The following LIPA variants were observed in gnomAD, a reference collection of about 807,000 sequenced individuals.
The protein encoded by LIPA is lysosomal acid lipase/cholesteryl ester hydrolase.
Under a neutral mutation model 40.6 loss-of-function variants are expected in LIPA, and 26 were observed. The observed-to-expected ratio is 0.64, with a 90% confidence interval of 0.47 to 0.89. The LOEUF is 0.89. Among genes scored for constraint, LIPA ranks in the 40% least tolerant of loss-of-function variants. The pLI is 0.00. For missense variants in LIPA, 455 were observed against 479.6 expected (o/e 0.95, Z 0.48); for synonymous variants, 188 against 168.4 (o/e 1.12, Z -0.90).
intron 4 of LIPA, 45 bp downstream of exon 4, chr10:89,228,155 G>T: frequency 2.0e-6 from 3 of 1,526,930 alleles, no homozygotes; most frequent in Non-Finnish European, 2.7e-6. Context: ...TCTGCTTTAA[G>T]AGTACTAAGG....
chr10:89,267,512 A>G (rs1310515045), intron 1 of LIPA, among the ~76,000 whole-genome samples: 1 of 138,922 alleles, frequency 7.2e-6, no homozygotes, highest in Admixed American at 8.2e-5. Context: ...TCTCACTCAT[A>G]GGTGGGAATT....
Position 89,226,977 on chromosome 10 carries a change from T to C in LIPA, c.456A>G (p.Leu152=), listed in dbSNP as rs1842777970. The C allele has an allele frequency of 6.2e-7, 1 of 1,612,858 alleles. No individual in the cohort carries two copies. The highest frequency in any genetic ancestry group is 8.5e-7 in the Non-Finnish European group (1 of 1,178,942). ...FSYDEMAKYD[L]PASINFILNK... ...TCAGAATGAAGTTAATGGAAGCTGGTAGGTCATATTTTGCCATCTCATCAT... is the reference window on the plus strand; with the variant it reads ...TCAGAATGAAGTTAATGGAAGCTGGCAGGTCATATTTTGCCATCTCATCAT... Residue 152 remains leucine, a synonymous_variant, in exon 5 of 10, where the codon CTA becomes CTG. Coordinates refer to ENST00000336233, the MANE Select transcript of LIPA (RefSeq NM_000235.4).
chr10:89,364,804 C>T (rs1054913133), intron 2 of LIPA, among the ~76,000 whole-genome samples: 4 of 152,170 alleles, frequency 2.6e-5, no homozygotes, highest in African/African-American at 9.6e-5. Context: ...ACTCTTTGCT[C>T]TTTCTCTGTA....
rs1844277352 is a variant in LIPA, at chr10:89,392,845, T to C, written c.61+19946A>G. ...TAATTCCTCGATTTGAGTATCTGCT[T>C]ATGGACTGAATGTGTGCATGCATGT... On this transcript the variant is annotated intron_variant, in intron 2 of 8. Coordinates refer to the LIPA transcript ENST00000371837. The C allele has an allele frequency of 6.5e-6, 6 of 926,430 alleles. No individual in the cohort carries two copies. In the South Asian group the frequency reaches 8.5e-5, roughly 13 times the overall value. 57.4% of individuals were successfully genotyped at this position (926,430 alleles called of 1,614,324 possible).
intron 1 of LIPA, among the ~76,000 whole-genome samples, chr10:89,250,864 A>C (rs942495218): frequency 7.9e-5 from 12 of 152,166 alleles, no homozygotes; most frequent in Non-Finnish European, 1.5e-4. Context: ...GGGAAAAAAA[A>C]CCTTCCAGGC....
At chr10:89,223,428 C>G (rs1842725925) in intron 7 of LIPA, among the ~76,000 whole-genome samples, 1 of 152,138 alleles carries the variant, frequency 6.6e-6, no homozygotes, top group South Asian at 2.1e-4. Context: ...AATATTACAG[C>G]TTAATTTGTG....
chr10:89,344,975 T>C (rs181619302), upstream of LIPA, among the ~76,000 whole-genome samples: 1 of 152,212 alleles, frequency 6.6e-6, no homozygotes, highest in African/African-American at 2.4e-5. Flanking sequence ...GAGACCAGCC[T>C]GGCCAACATG....
chr10:89,311,892 T>C (rs78997559), intron 1 of LIPA, among the ~76,000 whole-genome samples: 1,579 of 152,308 alleles, frequency 0.01, 32 homozygotes, highest in African/African-American at 0.036. Context: ...CACTGGCGTA[T>C]AGATCACAGA....
At chr10:89,369,288 G>A (rs1230815421) in intron 2 of LIPA, among the ~76,000 whole-genome samples, 1 of 152,088 alleles carries the variant, frequency 6.6e-6, no homozygotes, top group African/African-American at 2.4e-5. Flanking sequence ...CTAGTGCTTG[G>A]TAAATGAGAC....
intron 2 of LIPA, chr10:89,384,481 C>T: frequency 1.2e-6 from 2 of 1,614,124 alleles, no homozygotes; most frequent in Non-Finnish European, 1.7e-6. Flanking sequence ...TTTCCAAGAA[C>T]ATCATGGGAA....
chr10:89,393,139 A>G, intron 2 of LIPA: 1 of 1,292,340 alleles, frequency 7.7e-7, no homozygotes, highest in South Asian at 1.2e-5. Context: ...CAGGACCCAC[A>G]AGAATGTGAA....
intron 1 of LIPA, among the ~76,000 whole-genome samples, chr10:89,304,860 G>A (rs1653960345): frequency 6.6e-6 from 1 of 151,914 alleles, no homozygotes; most frequent in African/African-American, 2.4e-5. Context: ...TTCCAGGAGA[G>A]TCATAAGGGT....
chr10:89,383,267 A>G, intron 2 of LIPA: 1 of 1,483,138 alleles, frequency 6.7e-7, no homozygotes, highest in Non-Finnish European at 9.2e-7. Context: ...CTTCATTTTC[A>G]GTGGACTGAA....
chr10:89,324,951 G>A (rs189612633), intron 1 of LIPA, among the ~76,000 whole-genome samples: 2 of 152,026 alleles, frequency 1.3e-5, no homozygotes, highest in Non-Finnish European at 1.5e-5. Context: ...CTTTGCTATT[G>A]CAAATAGTGC....
At chr10:89,406,460 C>T (rs1844533377) in intron 2 of LIPA, 2 of 152,382 alleles carry the variant, frequency 1.3e-5, no homozygotes, top group Non-Finnish European at 2.9e-5. Flanking sequence ...TGTTCTTTCG[C>T]TCTTTCAATA....
chr10:89,237,889 A>T (rs1842924797), intron 3 of LIPA, among the ~76,000 whole-genome samples: 1 of 152,224 alleles, frequency 6.6e-6, no homozygotes, highest in South Asian at 2.1e-4. Flanking sequence ...TCTCTAAATC[A>T]GGAGGTCATA....
intron 1 of LIPA, among the ~76,000 whole-genome samples, chr10:89,295,947 G>A (rs1211736461): frequency 6.6e-6 from 1 of 152,204 alleles, no homozygotes. Flanking sequence ...ACAGGCACTA[G>A]CCATACAAAT....
At chr10:89,224,992 G>A in intron 6 of LIPA, 100 bp downstream of exon 6, 1 of 1,394,456 alleles carries the variant, frequency 7.2e-7, no homozygotes, top group Middle Eastern at 2.5e-4. Context: ...ATATCAAAAC[G>A]CAGGGGAGGA....
chr10:89,377,071 G>A lies in LIPA; in HGVS notation c.61+35720C>T, dbSNP rs74146918. 9.1e-3 allele frequency among the ~76,000 whole-genome samples: 1,381 copies of A among 152,302 alleles called. 21 individuals are homozygous for A. The highest frequency in any genetic ancestry group is 0.032 in the African/African-American group (1,326 of 41,556). On this transcript the variant is annotated intron_variant, in intron 2 of 8. Coordinates refer to the LIPA transcript ENST00000371837. ...ACCAAGATCCAGAAACGTACAGGAT[G>A]ACATTGTAACAATTCACAAGAGGAA... is the stretch of plus-strand genomic sequence containing the variant.
Sources: allele counts gnomAD v4.1 joint callset (sites outside exome capture counted in the v4.1 genomes callset), GRCh38; gene constraint gnomAD v4.1.1; transcripts MANE v1.5; gene names NCBI Gene and HGNC (gene_info 2026-07-23, HGNC 2026-07-21).